Variants in MYOM2 observed in about 807,000 individuals in gnomAD.
The protein encoded by MYOM2 is myomesin 2, also known as myomesin-2.
In MYOM2, 254 loss-of-function variants were observed where a neutral mutation model predicts 187.6. The observed-to-expected ratio is 1.35, with a 90% CI of 1.22 to 1.50. The LOEUF is 1.50. Among genes scored for constraint, MYOM2 ranks in the 40% most tolerant of loss-of-function variants. The pLI, the probability that MYOM2 is intolerant of heterozygous loss-of-function variation, is 0.00. For synonymous variants in MYOM2, 981 were observed against 753.8 expected (o/e 1.30, Z -4.94); for missense variants, 2,796 against 1,924.0 (o/e 1.45, Z -8.48).
chr8:2,072,256 A>G (rs574246377), intron 8 of MYOM2, 89 bp from the exon 9 acceptor site: 5 of 698,056 alleles, frequency 7.2e-6, no homozygotes, highest in Non-Finnish European at 9.7e-6. Flanking sequence ...CAAAAAAGAA[A>G]GATGCTCTCT....
intron 25 of MYOM2, among the ~76,000 whole-genome samples, chr8:2,114,603 G>C (rs557855658): frequency 3.3e-5 from 5 of 152,232 alleles, no homozygotes; most frequent in Non-Finnish European, 5.9e-5. Context: ...CTGAGTAGCT[G>C]GGATTACAGG....
At chr8:2,048,998 A>G (rs536993243) in intron 1 of MYOM2, among the ~76,000 whole-genome samples, 27 of 152,034 alleles carry the variant, frequency 1.8e-4, no homozygotes, top group African/African-American at 6.3e-4. Flanking sequence ...TCACCATCTT[A>G]GCCAGGGTAG....
chr8:2,111,644 C>T (rs1330188092), intron 25 of MYOM2, among the ~76,000 whole-genome samples: 1 of 152,188 alleles, frequency 6.6e-6, no homozygotes, highest in African/African-American at 2.4e-5. Flanking sequence ...GACGGTGTAT[C>T]CACTGGAATC....
chr8:2,088,719 G>A (rs1426331792), intron 14 of MYOM2, among the ~76,000 whole-genome samples: 1 of 152,316 alleles, frequency 6.6e-6, no homozygotes, highest in East Asian at 1.9e-4. Context: ...GTGCTGTGAT[G>A]GTAATACAAG....
chr8:2,063,177 TAAACCCAC>T, intron 6 of MYOM2, among the ~76,000 whole-genome samples: 1 of 152,332 alleles, frequency 6.6e-6, no homozygotes, highest in South Asian at 2.1e-4. Context: ...AGCAATGAGA[TAAACCCAC>T]AAATTACAGC....
At chr8:2,091,878 C>G (rs1210510460) in intron 15 of MYOM2, among the ~76,000 whole-genome samples, 1 of 152,258 alleles carries the variant, frequency 6.6e-6, no homozygotes, top group African/African-American at 2.4e-5. Flanking sequence ...CCGCAGTCCA[C>G]TAGTGGGGCC....
In MYOM2 at chr8:2,096,253, C is replaced by G. The variant is rs750124935; in HGVS notation, c.2132C>G (p.Pro711Arg). ...TGGTTGTGCTTCCTTGCAGCCGTCC[C>G]GTCCCATCCTTATGGGATTACGCTC... ...VIKVQAALTVPSHPYGITLLN... is the reference protein window; with the variant it reads ...VIKVQAALTVRSHPYGITLLN... Residue 711 changes from proline (P) to arginine (R), a missense_variant, in exon 18 of 37, where the codon CCG becomes CGG. Transcript: ENST00000262113. 5.0e-6 allele frequency: 8 copies of G among 1,613,540 alleles called. No homozygotes were observed. Among genetic ancestry groups the G allele is most frequent in the Non-Finnish European group, 5.9e-6 (7 of 1,179,820 alleles).
intron 5 of MYOM2, among the ~76,000 whole-genome samples, chr8:2,057,998 G>GTTTTTTTTTTTTTTTTTTTTTTTT (rs572901199): frequency 1.2e-5 from 1 of 80,716 alleles, no homozygotes; most frequent in Non-Finnish European, 2.3e-5. Context: ...TTTTCAGAGG[G>GTTTTTTTTTTTTTTTTTTTTTTTT]TTTTTTTTTT....
At chr8:2,063,036 A>C (rs751411156) in intron 6 of MYOM2, among the ~76,000 whole-genome samples, 12 of 152,176 alleles carry the variant, frequency 7.9e-5, no homozygotes, top group Admixed American at 2.0e-4. Context: ...ATGGACTTGG[A>C]TTTTGCTTGC....
chr8:2,061,254 A>C (rs1475497872), intron 6 of MYOM2, among the ~76,000 whole-genome samples: 1 of 150,506 alleles, frequency 6.6e-6, no homozygotes, highest in Non-Finnish European at 1.5e-5. Context: ...CGTCCAGCCC[A>C]GTGTTTAGTG....
intron 15 of MYOM2, among the ~76,000 whole-genome samples, chr8:2,092,020 T>G (rs1465208282): frequency 6.6e-6 from 1 of 152,134 alleles, no homozygotes; most frequent in Non-Finnish European, 1.5e-5. Context: ...AAAAAATAGT[T>G]GTTACCCGGG....
chr8:2,130,223 A>G (rs1410610059), intron 32 of MYOM2, among the ~76,000 whole-genome samples: 2 of 143,412 alleles, frequency 1.4e-5, no homozygotes, highest in African/African-American at 5.5e-5. Context: ...GCCCGTCAGT[A>G]CCGTATACCC....
intron 1 of MYOM2, among the ~76,000 whole-genome samples, chr8:2,048,335 A>T (rs1403781737): frequency 6.6e-6 from 1 of 152,238 alleles, no homozygotes; most frequent in African/African-American, 2.4e-5. Context: ...TCTTCCCAGC[A>T]CCCTGCTGGT....
intron 35 of MYOM2, 147 bp downstream of exon 35, chr8:2,142,544 G>A: frequency 1.2e-6 from 1 of 812,506 alleles, no homozygotes; most frequent in Non-Finnish European, 2.2e-6. Context: ...ACCACACCCT[G>A]TCCTGGAGCC....
intron 21 of MYOM2, among the ~76,000 whole-genome samples, chr8:2,105,043 G>T (rs1270573338): frequency 6.6e-6 from 1 of 152,188 alleles, no homozygotes; most frequent in Admixed American, 6.5e-5. Context: ...CTCCCAAAGT[G>T]CTGGGATTAC....
intron 32 of MYOM2, among the ~76,000 whole-genome samples, chr8:2,135,645 C>G (rs1381085842): frequency 6.6e-6 from 1 of 152,114 alleles, no homozygotes; most frequent in Non-Finnish European, 1.5e-5. Flanking sequence ...TAATGTGAAC[C>G]ATTTTAACTT....
At chr8:2,131,248 C>T (rs187785689) in intron 32 of MYOM2, among the ~76,000 whole-genome samples, 1 of 152,162 alleles carries the variant, frequency 6.6e-6, no homozygotes, top group Non-Finnish European at 1.5e-5. Context: ...TTATTTTTAT[C>T]TAATCCTCAC....
At chr8:2,106,943 G>A (rs1343641154) in intron 23 of MYOM2, among the ~76,000 whole-genome samples, 1 of 152,168 alleles carries the variant, frequency 6.6e-6, no homozygotes, top group African/African-American at 2.4e-5. Context: ...GGGTGGAAGA[G>A]TCTTCCCTTC....
intron 13 of MYOM2, chr8:2,082,306 C>G (rs747452309): frequency 6.6e-6 from 1 of 152,222 alleles, no homozygotes; most frequent in Non-Finnish European, 1.5e-5. Flanking sequence ...AGAAAGAGAT[C>G]TATAATGTTT....
Sources: gnomAD v4.1 joint callset for allele counts (sites outside exome capture counted in the v4.1 genomes callset) on GRCh38, gnomAD v4.1.1 for gene constraint, MANE v1.5 for transcripts, NCBI Gene and HGNC (gene_info 2026-07-23, HGNC 2026-07-21) for gene names.